RFX7: variants seen among roughly 807,000 people sequenced by gnomAD.
The protein encoded by RFX7 is regulatory factor X7.
In RFX7, 26 loss-of-function variants were observed where a neutral mutation model predicts 111.8. The observed-to-expected ratio is 0.23, with a 90% CI of 0.17 to 0.32. The LOEUF (loss-of-function observed/expected upper bound fraction) is 0.32, where lower values mean the gene tolerates loss of function less well. RFX7 is among the 10% of genes least tolerant of loss of function. The pLI is 1.00. For missense variants in RFX7, 1,573 were observed against 1,772.9 expected, an observed-to-expected ratio of 0.89 and a Z score of 2.02; for synonymous variants, 624 against 624.4, an observed-to-expected ratio of 1.00 and a Z score of 0.01.
intron 3 of RFX7, among the ~76,000 whole-genome samples, chr15:56,154,918 TAAAC>T (rs2141062456): frequency 6.6e-6 from 1 of 151,546 alleles, no homozygotes; most frequent in African/African-American, 2.4e-5. Context: ...ACAAAGAACT[TAAAC>T]AAACTTACAA....
chr15:56,140,104 C>CAG (rs2042367974), intron 5 of RFX7, among the ~76,000 whole-genome samples: 1 of 151,944 alleles, frequency 6.6e-6, no homozygotes, highest in Non-Finnish European at 1.5e-5. Flanking sequence ...GTGGAGCCTA[C>CAG]AGAGGCAGGC....
Position 56,141,656 on chromosome 15 carries a change from A to ACTATATATAT in RFX7, c.401+1121_401+1122insATATATATAG, listed in dbSNP as rs1555421058. ...TAATGAAGAATCTATGCTTACTCTA[A>ACTATATATAT]ATATATATATATATATATATGCATA... is the stretch of plus-strand genomic sequence containing the variant. On this transcript the variant is annotated intron_variant, in intron 5 of 9. Coordinates refer to ENST00000559447, the MANE Select transcript of RFX7 (RefSeq NM_022841.7). Among the ~76,000 whole-genome samples, 66 of 83,114 alleles carry ACTATATATAT rather than the reference A, an allele frequency of 7.9e-4. 3 individuals are homozygous for ACTATATATAT. The Middle Eastern group carries it at 0.019, about 24-fold the overall frequency. 54.5% of individuals were successfully genotyped at this position (83,114 alleles called of 152,430 possible). A position where few individuals can be genotyped will look rare whatever the true frequency, so the allele number is the denominator to read the frequency against.
At chr15:56,215,298 CCA>C (rs1464397957) in intron 2 of RFX7, among the ~76,000 whole-genome samples, 1 of 152,084 alleles carries the variant, frequency 6.6e-6, no homozygotes, top group African/African-American at 2.4e-5. Flanking sequence ...TTGGTTGAAC[CCA>C]CAGATACAGA....
At chr15:56,209,779 A>G (rs560888572) in intron 2 of RFX7, among the ~76,000 whole-genome samples, 1 of 152,166 alleles carries the variant, frequency 6.6e-6, no homozygotes, top group Admixed American at 6.5e-5. Context: ...ATGTATACTG[A>G]AAACTCTAGG....
intron 5 of RFX7, among the ~76,000 whole-genome samples, chr15:56,124,108 T>G (rs937045414): frequency 1.4e-4 from 22 of 152,172 alleles, no homozygotes; most frequent in Admixed American, 4.6e-4. Context: ...TTTGGCCATC[T>G]TGGTACACCT....
At chr15:56,146,032 AG>A (rs2042463392) in intron 3 of RFX7, among the ~76,000 whole-genome samples, 1 of 152,150 alleles carries the variant, frequency 6.6e-6, no homozygotes, top group Non-Finnish European at 1.5e-5. Context: ...ATGTCTAACC[AG>A]CTGGTTTTCC....
chr15:56,140,671 G>C (rs571099550), intron 5 of RFX7, among the ~76,000 whole-genome samples: 38 of 152,290 alleles, frequency 2.5e-4, no homozygotes, highest in African/African-American at 8.7e-4. Flanking sequence ...CTACTGAACT[G>C]TAAATTAATT....
intron 5 of RFX7, among the ~76,000 whole-genome samples, chr15:56,141,981 A>G (rs1297446903): frequency 3.3e-5 from 5 of 151,948 alleles, no homozygotes; most frequent in African/African-American, 1.2e-4. Flanking sequence ...AATAAGTACA[A>G]TTTCCTTCGC....
intron 2 of RFX7, among the ~76,000 whole-genome samples, chr15:56,222,900 T>C (rs928469430): frequency 6.6e-6 from 1 of 152,202 alleles, no homozygotes; most frequent in Non-Finnish European, 1.5e-5. Context: ...TGTGGAACAT[T>C]TGGAATTCTT....
chr15:56,121,723 GTTTT>G (rs1364458810), intron 5 of RFX7, among the ~76,000 whole-genome samples: 2 of 151,488 alleles, frequency 1.3e-5, no homozygotes, highest in African/African-American at 4.9e-5. Context: ...TTTTTTTATT[GTTTT>G]TTTGTCTCCC....
At chr15:56,121,956 G>A (rs546292320) in intron 5 of RFX7, among the ~76,000 whole-genome samples, 228 of 152,302 alleles carry the variant, frequency 1.5e-3, no homozygotes, top group Non-Finnish European at 2.8e-3. Context: ...TCCCTCAAAA[G>A]AGCAATTCTG....
chr15:56,087,364 C>T lies in RFX7; in HGVS notation c.*5981G>A, dbSNP rs1566998510. On this transcript the variant is annotated 3_prime_UTR_variant, in exon 10 of 10. Transcript: ENST00000559447. ...AGTCAGGACTAGTTGGGCATCTTCCCTTCCAAAGTCATCATGCCCTGGGCT... is the reference window on the plus strand; with the variant it reads ...AGTCAGGACTAGTTGGGCATCTTCCTTTCCAAAGTCATCATGCCCTGGGCT... 4.4e-6 allele frequency: 2 copies of T among 454,554 alleles called. No homozygotes were observed. The highest frequency in any genetic ancestry group is 3.1e-5 in the South Asian group (2 of 64,352). The allele number at this position is 454,554 out of a possible 1,614,324, so 28.2% of individuals were successfully genotyped here.
At chr15:56,161,638 T>C (rs1442678560) in intron 3 of RFX7, among the ~76,000 whole-genome samples, 1 of 152,006 alleles carries the variant, frequency 6.6e-6, no homozygotes, top group Non-Finnish European at 1.5e-5. Flanking sequence ...ACAACTACAA[T>C]GAATTTTTTA....
chr15:56,127,695 G>C (rs1052804842), intron 5 of RFX7, among the ~76,000 whole-genome samples: 1 of 151,500 alleles, frequency 6.6e-6, no homozygotes. Context: ...CTACAGGCGC[G>C]CGCCACCATG....
rs1002808215 is a variant in RFX7 at position 56,243,475 on chromosome 15, C to T, written c.-33G>A. On this transcript the variant is annotated 5_prime_UTR_variant, in exon 1 of 10. Transcript: ENST00000559447. ...GGCTCGAGTGAGTCGCTTTCGCCTGCCGCCTGGGGAACATCACCGGGGAGA... is the reference window on the plus strand; with the variant it reads ...GGCTCGAGTGAGTCGCTTTCGCCTGTCGCCTGGGGAACATCACCGGGGAGA... 11 of 984,872 alleles carry T rather than the reference C, an allele frequency of 1.1e-5. 1 individual carries two copies. Among genetic ancestry groups the T allele is most frequent in the African/African-American group, 8.8e-5 (5 of 57,132 alleles). The allele number at this position is 984,872 out of a possible 1,614,324, so 61.0% of individuals were successfully genotyped here.
chr15:56,141,468 G>A (rs553691371), intron 5 of RFX7, among the ~76,000 whole-genome samples: 32 of 151,798 alleles, frequency 2.1e-4, no homozygotes, highest in Admixed American at 1.8e-3. Flanking sequence ...TGGTTAAAAT[G>A]CTTGCCTATG....
At chr15:56,243,061 C>CCCCCCCCCTTT in intron 2 of RFX7, 64 bp downstream of exon 2, 1 of 1,036,976 alleles carries the variant, frequency 9.6e-7, no homozygotes, top group Non-Finnish European at 1.4e-6. Context: ...CCGCCGCCCC[C>CCCCCCCCCTTT]CACCCACTTT....
intron 2 of RFX7, among the ~76,000 whole-genome samples, chr15:56,186,190 G>C (rs2043036182): frequency 6.6e-6 from 1 of 152,158 alleles, no homozygotes. Context: ...CTGTCTGTGG[G>C]TTCCCTGTTT....
intron 5 of RFX7, among the ~76,000 whole-genome samples, chr15:56,113,225 C>T (rs1253195293): frequency 2.0e-5 from 3 of 152,182 alleles, no homozygotes; most frequent in Non-Finnish European, 4.4e-5. Flanking sequence ...CAGCACTATT[C>T]ACAATAGCAA....
Sources: gnomAD v4.1 joint callset for allele counts (sites outside exome capture counted in the v4.1 genomes callset) on GRCh38, gnomAD v4.1.1 for gene constraint, MANE v1.5 for transcripts, NCBI Gene and HGNC (gene_info 2026-07-23, HGNC 2026-07-21) for gene names.